GRSF1: variants seen among roughly 807,000 people sequenced by gnomAD.
GRSF1 encodes the protein G-rich RNA sequence binding factor 1.
Under a neutral mutation model 51.1 loss-of-function variants are expected in GRSF1, and 50 were observed. That is an observed-to-expected ratio of 0.98 (90% CI 0.78 to 1.24). The LOEUF (loss-of-function observed/expected upper bound fraction) is 1.24, where lower values mean the gene tolerates loss of function less well. GRSF1 is among the 50% of genes most tolerant of loss of function. The probability of loss-of-function intolerance (pLI) is 0.00; values close to 1 mark genes in which losing one functional copy is unlikely to be tolerated. For synonymous variants in GRSF1, 293 were observed against 253.3 expected (o/e 1.16, Z -1.49); for missense variants, 700 against 639.7 (o/e 1.09, Z -1.02).
Position 70,828,150 on chromosome 4 carries a change from T to A in GRSF1, c.951-114A>T, listed in dbSNP as rs894317523. ...TCCAACAGCTTATGAAACACAGGTG[T>A]CAAAAGATAACAGGTAGGGAAAACT... On this transcript the variant is annotated intron_variant, in intron 5 of 9. Coordinates refer to ENST00000254799, the MANE Select transcript of GRSF1 (RefSeq NM_002092.4). 8 of 742,494 alleles carry A rather than the reference T, an allele frequency of 1.1e-5. No homozygotes were observed. In the Admixed American group the frequency reaches 1.8e-4, roughly 17 times the overall value. 46.0% of individuals were successfully genotyped at this position (742,494 alleles called of 1,614,324 possible).
Position 70,818,462 on chromosome 4 carries a change from AACACAG to A in GRSF1, c.*2419_*2424del, listed in dbSNP as rs1733390039. ...GTTCCTTATGCTTCCCCCTTCAAGT[AACACAG>A]AAGTAGTGAGAATTTGGAGCCTTCC... is the stretch of plus-strand genomic sequence containing the variant. On this transcript the variant is annotated 3_prime_UTR_variant, in exon 10 of 10. Transcript: ENST00000254799. The A allele has an allele frequency of 6.6e-6, 1 of 152,192 alleles. No homozygotes were observed. 9.4% of individuals were successfully genotyped at this position (152,192 alleles called of 1,614,324 possible).
At chr4:70,839,941 G>T (rs112530699), upstream of GRSF1, 2 of 928,892 alleles carry the variant, frequency 2.2e-6, no homozygotes, top group Non-Finnish European at 1.5e-6. Context: ...TGCGCCGCGG[G>T]CACTGGGTGG....
At chr4:70,834,870 G>A (rs1014566029) in intron 2 of GRSF1, among the ~76,000 whole-genome samples, 14 of 151,872 alleles carry the variant, frequency 9.2e-5, no homozygotes, top group African/African-American at 2.4e-4. Context: ...TGATCCGCCC[G>A]CCTCGGCCTC....
rs1733428904 is a variant in GRSF1, at chr4:70,819,550, T to G, written c.*1337A>C. 6.6e-6 allele frequency: 1 copy of G among 152,344 alleles called. No individual in the cohort carries two copies. The highest frequency in any genetic ancestry group is 2.1e-4 in the South Asian group (1 of 4,834). The allele number at this position is 152,344 out of a possible 1,614,324, so 9.4% of individuals were successfully genotyped here. A position where few individuals can be genotyped will look rare whatever the true frequency, so the allele number is the denominator to read the frequency against. ...GTAATCTTCAGCCTGAAACAAGTCT[T>G]CATTTATTGACTACAGTACAGTGAT... On this transcript the variant is annotated 3_prime_UTR_variant, in exon 10 of 10. Coordinates refer to ENST00000254799, the MANE Select transcript of GRSF1 (RefSeq NM_002092.4).
At chr4:70,823,968 A>ACAGTTG (rs767494279) in intron 9 of GRSF1, among the ~76,000 whole-genome samples, 2 of 41,422 alleles carry the variant, frequency 4.8e-5, no homozygotes, top group Non-Finnish European at 1.5e-4. Flanking sequence ...CCACAGTTGT[A>ACAGTTG]TCTCTCTCTT....
At chr4:70,833,331 T>G (rs115475174) in intron 2 of GRSF1, 58 bp from the exon 3 acceptor site, 1 of 1,463,766 alleles carries the variant, frequency 6.8e-7, no homozygotes, top group Admixed American at 1.9e-5. Flanking sequence ...AGCTCAATTA[T>G]GTAAGTCACA....
At position 70,820,839 on chromosome 4, in the gene GRSF1, A is replaced by G. The variant is rs1250497580; in HGVS notation, c.*48T>C. ...ATCCCAAGTCCAAGAAAGATGTGCA[A>G]ATGAAATGCTTCTTGCTTCACCCTA... On this transcript the variant is annotated 3_prime_UTR_variant, in exon 10 of 10. Coordinates refer to ENST00000254799, the MANE Select transcript of GRSF1 (RefSeq NM_002092.4). 4 of 152,670 alleles carry G rather than the reference A, an allele frequency of 2.6e-5. No homozygotes were observed. The highest frequency in any genetic ancestry group is 9.6e-5 in the African/African-American group (4 of 41,462). The allele number at this position is 152,670 out of a possible 1,614,324, so 9.5% of individuals were successfully genotyped here. A position where few individuals can be genotyped will look rare whatever the true frequency, so the allele number is the denominator to read the frequency against.
rs1733698072 is a variant in GRSF1 at position 70,825,440 on chromosome 4, C to G, written c.1258-9G>C. On this transcript the variant is annotated splice_polypyrimidine_tract_variant and intron_variant, in intron 7 of 9. Transcript: ENST00000254799. ...TTGAGTGGAGCAAAAAACTAAACGA[C>G]AAACAAAGGCAGTCAAGAGGAACAT... 1 of 1,596,198 alleles carries G rather than the reference C, an allele frequency of 6.3e-7. No individual in the cohort carries two copies. The highest frequency in any genetic ancestry group is 1.5e-5 in the African/African-American group (1 of 68,828).
At chr4:70,824,080 C>T (rs1733637787) in intron 9 of GRSF1, among the ~76,000 whole-genome samples, 1 of 142,158 alleles carries the variant, frequency 7.0e-6, no homozygotes, top group Non-Finnish European at 1.5e-5. Flanking sequence ...AAGTGATTCT[C>T]CCGCTTCAGC....
chr4:70,832,097 T>G (rs1426534394), intron 4 of GRSF1, among the ~76,000 whole-genome samples: 1 of 152,154 alleles, frequency 6.6e-6, no homozygotes, highest in African/African-American at 2.4e-5. Context: ...GAAATTATTC[T>G]GAAATCTGAC....
chr4:70,838,352 A>T (rs918778247), intron 1 of GRSF1, among the ~76,000 whole-genome samples: 2 of 152,142 alleles, frequency 1.3e-5, no homozygotes, highest in African/African-American at 4.8e-5. Context: ...AAGCTAGCTC[A>T]CAAAGGTTTA....
intron 9 of GRSF1, among the ~76,000 whole-genome samples, chr4:70,821,423 C>CAAAA (rs1156962514): frequency 1.0e-4 from 4 of 38,434 alleles, no homozygotes; most frequent in Non-Finnish European, 3.1e-4. Context: ...AACTCCGTCT[C>CAAAA]AAAAAATAAA....
At chr4:70,822,686 A>G (rs1466220852) in intron 9 of GRSF1, among the ~76,000 whole-genome samples, 4 of 152,086 alleles carry the variant, frequency 2.6e-5, no homozygotes, top group Admixed American at 2.6e-4. Context: ...TATCCAGTCT[A>G]TTACGATTTA....
chr4:70,827,648 T>TG (rs1733789599), intron 6 of GRSF1, among the ~76,000 whole-genome samples: 1 of 151,830 alleles, frequency 6.6e-6, no homozygotes, highest in East Asian at 2.0e-4. Flanking sequence ...CGTGGCGGCA[T>TG]GCGCCTGTAG....
chr4:70,839,678 C>A lies in GRSF1; in HGVS notation c.150G>T (p.Leu50=). 3 of 1,440,176 alleles carry A rather than the reference C, an allele frequency of 2.1e-6. No homozygotes were observed. The highest frequency in any genetic ancestry group is 2.7e-6 in the Non-Finnish European group (3 of 1,107,886). 89.2% of individuals were successfully genotyped at this position (1,440,176 alleles called of 1,614,324 possible). The change falls in exon 1 of 10, where the codon CTG becomes CTT. Residue 50 remains leucine (L), a synonymous_variant. Transcript: ENST00000254799. ...PSGVSGRRRL[L]LLLGAAAAAA... is the part of the protein sequence containing the mutation. The stretch of plus-strand genomic sequence containing the variant: ...CGGCCGCGGCGGCCCCGAGCAGCAG[C>A]AGCAGGCGGCGGCGGCCCGAGACGC...
At chr4:70,840,050 A>G (rs561337833), upstream of GRSF1, 9 of 458,792 alleles carry the variant, frequency 2.0e-5, no homozygotes, top group African/African-American at 1.3e-4. Flanking sequence ...GGGGCTGCCC[A>G]TGGTTTGGGC....
At position 70,824,719 on chromosome 4, in the gene GRSF1, G is replaced by A. The variant is rs1560594473; in HGVS notation, c.1394-351C>T. ...AATCACTTGAACCCAGGAGGCGGAG[G>A]TTGCAGTGAGCTGAGATCATACCAC... is the stretch of plus-strand genomic sequence containing the variant. On this transcript the variant is annotated intron_variant, in intron 8 of 9. Transcript: ENST00000254799. 2.0e-5 allele frequency among the ~76,000 whole-genome samples: 3 copies of A among 152,250 alleles called. No individual in the cohort carries two copies. The South Asian group carries it at 6.2e-4, about 32-fold the overall frequency.
chr4:70,825,825 G>A (rs899990956), intron 7 of GRSF1: 19 of 320,214 alleles, frequency 5.9e-5, no homozygotes, highest in Non-Finnish European at 1.1e-4. Flanking sequence ...CCAGCTACTC[G>A]GTAGACCAAG....
upstream of GRSF1, among the ~76,000 whole-genome samples, chr4:70,842,153 C>T (rs1221061671): frequency 1.3e-5 from 2 of 152,204 alleles, no homozygotes; most frequent in Non-Finnish European, 2.9e-5. Flanking sequence ...AGAGCAGGTG[C>T]TGAGGTCAGG....
Sources: allele counts gnomAD v4.1 joint callset (sites outside exome capture counted in the v4.1 genomes callset), GRCh38; gene constraint gnomAD v4.1.1; transcripts MANE v1.5; gene names NCBI Gene and HGNC (gene_info 2026-07-23, HGNC 2026-07-21).